The following RALY variants were observed in gnomAD, a reference collection of about 807,000 sequenced individuals.
RALY encodes the protein RNA-binding protein Raly.
In RALY, 15 loss-of-function variants were observed where a neutral mutation model predicts 30.7. That is an observed-to-expected ratio of 0.49 (90% CI 0.33 to 0.75). The LOEUF is 0.75. Ranked by LOEUF, RALY falls within the 30% of genes least tolerant of loss-of-function variation. RALY has a pLI of 0.02. For synonymous variants in RALY, 177 were observed against 170.8 expected (o/e 1.04, Z -0.28); for missense variants, 339 against 414.3 (o/e 0.82, Z 1.58).
intron 2 of RALY, among the ~76,000 whole-genome samples, chr20:34,059,773 A>G (rs2033360999): frequency 6.6e-6 from 1 of 152,074 alleles, no homozygotes; most frequent in East Asian, 1.9e-4. Flanking sequence ...CTGCACCCTT[A>G]CTCAGCCACA....
At chr20:34,044,128 A>G (rs1448837820) in intron 2 of RALY, among the ~76,000 whole-genome samples, 2 of 152,146 alleles carry the variant, frequency 1.3e-5, no homozygotes, top group African/African-American at 2.4e-5. Flanking sequence ...TAGCCAGAGT[A>G]TAAGAGTTCA....
chr20:34,040,719 A>G (rs973826364), intron 2 of RALY, among the ~76,000 whole-genome samples: 4 of 152,226 alleles, frequency 2.6e-5, no homozygotes, highest in African/African-American at 9.6e-5. Context: ...TAATCTTTAT[A>G]ACTCATTAAG....
chr20:34,050,799 G>C (rs1168181344), intron 2 of RALY, among the ~76,000 whole-genome samples: 2 of 152,136 alleles, frequency 1.3e-5, no homozygotes, highest in Admixed American at 6.5e-5. Context: ...ATGGTGAGGA[G>C]TCTAGCCCCA....
At chr20:34,072,959 T>TGTGTGTGTGTGAGA (rs142692706) in intron 3 of RALY, among the ~76,000 whole-genome samples, 3 of 148,892 alleles carry the variant, frequency 2.0e-5, no homozygotes, top group African/African-American at 7.5e-5. Flanking sequence ...TGTGTGTGTG[T>TGTGTGTGTGTGAGA]GAGAGAGAGA....
At chr20:34,072,952 G>A (rs1390727867) in intron 3 of RALY, among the ~76,000 whole-genome samples, 2 of 149,036 alleles carry the variant, frequency 1.3e-5, no homozygotes, top group Non-Finnish European at 2.9e-5. Context: ...GTGTGTGTGT[G>A]TGTGTGTGAG....
In RALY at chr20:34,060,072, A is replaced by G. The variant is rs189176168; in HGVS notation, c.-9-11994A>G. The stretch of plus-strand genomic sequence containing the variant: ...TTGTCTTTCCTTTTATGTTCAAGGC[A>G]CATTTCCAAATACTAGAGTTTTGGT... On this transcript the variant is annotated intron_variant, in intron 2 of 9. Transcript: ENST00000246194. Among the ~76,000 whole-genome samples the G allele has an allele frequency of 5.4e-4, 82 of 152,348 alleles. 1 individual carries two copies. The highest frequency in any genetic ancestry group is 1.8e-4 in the Non-Finnish European group (12 of 68,030).
intron 1 of RALY, among the ~76,000 whole-genome samples, chr20:34,009,333 G>T (rs541121322): frequency 1.3e-5 from 2 of 152,096 alleles, no homozygotes; most frequent in South Asian, 4.1e-4. Context: ...CTGCCTCCCG[G>T]GTTCAAGTAA....
At chr20:34,018,074 C>T (rs150031579) in intron 1 of RALY, among the ~76,000 whole-genome samples, 44 of 152,260 alleles carry the variant, frequency 2.9e-4, no homozygotes, top group Non-Finnish European at 5.0e-4. Context: ...GGAACCAGCA[C>T]AAACAAAAGC....
intron 1 of RALY, among the ~76,000 whole-genome samples, chr20:34,002,994 G>A (rs755092015): frequency 6.6e-6 from 1 of 152,098 alleles, no homozygotes; most frequent in Non-Finnish European, 1.5e-5. Flanking sequence ...ATTGTAGTTC[G>A]TGAAGCCCAT....
At chr20:34,063,354 A>T (rs577163743) in intron 2 of RALY, among the ~76,000 whole-genome samples, 1 of 152,266 alleles carries the variant, frequency 6.6e-6, no homozygotes, top group Non-Finnish European at 1.5e-5. Context: ...GCTCAGTGGG[A>T]GCAATCTAGT....
intron 3 of RALY, among the ~76,000 whole-genome samples, chr20:34,072,881 A>T (rs1040085965): frequency 4.6e-5 from 7 of 152,154 alleles, no homozygotes; most frequent in Middle Eastern, 6.8e-3. Context: ...ATATGGATTG[A>T]CTGAACATGT....
At chr20:34,027,114 C>G (rs2032073857) in intron 1 of RALY, among the ~76,000 whole-genome samples, 1 of 152,104 alleles carries the variant, frequency 6.6e-6, no homozygotes, top group Non-Finnish European at 1.5e-5. Flanking sequence ...ACCCCCACTC[C>G]CTCCACATCC....
At chr20:34,004,330 CAA>C (rs2031062423) in intron 1 of RALY, among the ~76,000 whole-genome samples, 1 of 152,132 alleles carries the variant, frequency 6.6e-6, no homozygotes, top group Non-Finnish European at 1.5e-5. Context: ...TATGAAATAC[CAA>C]TCAATATTGC....
chr20:34,077,288 C>G (rs1187474528), intron 8 of RALY, 43 bp downstream of exon 8: 2 of 1,608,978 alleles, frequency 1.2e-6, no homozygotes, highest in African/African-American at 2.7e-5. Flanking sequence ...CGACTGTGCT[C>G]CTACTCTCAG....
chr20:34,035,314 G>GA (rs2032454796), intron 2 of RALY, among the ~76,000 whole-genome samples: 1 of 152,024 alleles, frequency 6.6e-6, no homozygotes, highest in South Asian at 2.1e-4. Context: ...AGAGTTATCA[G>GA]AAAATGTTAA....
chr20:34,045,765 A>C (rs925698230), intron 2 of RALY, among the ~76,000 whole-genome samples: 3 of 152,170 alleles, frequency 2.0e-5, no homozygotes, highest in African/African-American at 7.2e-5. Flanking sequence ...TGATTTCTGG[A>C]AGGTCATGGC....
At chr20:34,073,301 CG>C (rs913426460) in intron 3 of RALY, among the ~76,000 whole-genome samples, 2 of 148,368 alleles carry the variant, frequency 1.3e-5, no homozygotes, top group East Asian at 2.0e-4. Flanking sequence ...TGTGGTGGGG[CG>C]GGGGGGAGGA....
At chr20:34,062,456 G>A (rs1249428604) in intron 2 of RALY, among the ~76,000 whole-genome samples, 1 of 152,202 alleles carries the variant, frequency 6.6e-6, no homozygotes, top group East Asian at 1.9e-4. Flanking sequence ...AATGTGACTA[G>A]GATAAACCAC....
intron 8 of RALY, among the ~76,000 whole-genome samples, chr20:34,078,102 C>T (rs2033945665): frequency 6.6e-6 from 1 of 152,220 alleles, no homozygotes; most frequent in South Asian, 2.1e-4. Context: ...GCTAGCTCAT[C>T]TCTCCTTTGA....
Sources: allele counts gnomAD v4.1 joint callset (sites outside exome capture counted in the v4.1 genomes callset), GRCh38; gene constraint gnomAD v4.1.1; transcripts MANE v1.5; gene names NCBI Gene and HGNC (gene_info 2026-07-23, HGNC 2026-07-21).